TNFRSF10B: variants seen among roughly 807,000 people sequenced by gnomAD.
TNFRSF10B encodes the protein tumor necrosis factor receptor superfamily member 10B.
A neutral mutation model predicts 41.4 loss-of-function variants in TNFRSF10B; 35 were observed. That is an observed-to-expected ratio of 0.85 (90% CI 0.65 to 1.12). The LOEUF is 1.12. Among genes scored for constraint, TNFRSF10B ranks in the 50% most tolerant of loss-of-function variants. The pLI, the probability that TNFRSF10B is intolerant of heterozygous loss-of-function variation, is 0.00. For missense variants in TNFRSF10B, 584 were observed against 552.7 expected, an observed-to-expected ratio of 1.06 and a Z score of -0.57; for synonymous variants, 230 against 215.5, an observed-to-expected ratio of 1.07 and a Z score of -0.59.
chr8:23,062,925 A>G (rs556163889), intron 1 of TNFRSF10B, among the ~76,000 whole-genome samples: 159 of 152,338 alleles, frequency 1.0e-3, no homozygotes, highest in African/African-American at 3.6e-3. Context: ...AGGCATGTTC[A>G]TATGTTACAA....
At chr8:23,023,144 G>A (rs947679154) in intron 8 of TNFRSF10B, among the ~76,000 whole-genome samples, 160 bp from the exon 9 acceptor site, 9 of 152,188 alleles carry the variant, frequency 5.9e-5, no homozygotes, top group African/African-American at 1.7e-4. Context: ...CACAGAGAGC[G>A]CGCCCACACT....
intron 8 of TNFRSF10B, among the ~76,000 whole-genome samples, chr8:23,023,199 G>A (rs1304120647): frequency 2.0e-5 from 3 of 151,982 alleles, no homozygotes; most frequent in Admixed American, 6.6e-5. Context: ...AGTCAAAGTC[G>A]TCAGAGAATC....
At chr8:23,027,060 G>A in intron 7 of TNFRSF10B, 73 bp downstream of exon 7, 1 of 1,605,050 alleles carries the variant, frequency 6.2e-7, no homozygotes, top group Non-Finnish European at 8.5e-7. Context: ...CTAAGGCACT[G>A]CCCTCTCCCA....
intron 1 of TNFRSF10B, among the ~76,000 whole-genome samples, chr8:23,066,672 C>T (rs1487304470): frequency 6.6e-6 from 1 of 151,974 alleles, no homozygotes; most frequent in Non-Finnish European, 1.5e-5. Flanking sequence ...TTTTGGGAGG[C>T]TGAGGCGGGC....
At chr8:23,067,258 A>G (rs1009367681) in intron 1 of TNFRSF10B, among the ~76,000 whole-genome samples, 11 of 152,040 alleles carry the variant, frequency 7.2e-5, no homozygotes, top group African/African-American at 1.7e-4. Flanking sequence ...GATTACAGGC[A>G]TGAGCTACCA....
Position 23,068,874 on chromosome 8 carries a change from G to A in TNFRSF10B, c.21C>T (p.Asn7=). The part of the protein sequence containing the change: MEQRGQ[N]APAASGARKR... Reference sequence around the variant, plus strand: ...TCCGGGCCCCCGAAGCGGCCGGGGCGTTCTGTCCCCGTTGTTCCATGGCGG... The same window carrying A: ...TCCGGGCCCCCGAAGCGGCCGGGGCATTCTGTCCCCGTTGTTCCATGGCGG... Residue 7 remains asparagine (N), a synonymous_variant, in exon 1 of 9, where the codon AAC becomes AAT. Transcript: ENST00000276431. 2 of 1,613,496 alleles carry A rather than the reference G, an allele frequency of 1.2e-6. No homozygotes were observed. The highest frequency in any genetic ancestry group is 1.1e-5 in the South Asian group (1 of 91,084).
intron 1 of TNFRSF10B, among the ~76,000 whole-genome samples, chr8:23,057,429 ATTTT>A (rs201997985): frequency 8.6e-6 from 1 of 115,610 alleles, no homozygotes; most frequent in Non-Finnish European, 1.8e-5. Flanking sequence ...GAATTCTGTA[ATTTT>A]TTTTTTTTTT....
intron 1 of TNFRSF10B, among the ~76,000 whole-genome samples, chr8:23,064,057 GT>G (rs1304567942): frequency 1.3e-5 from 2 of 152,268 alleles, no homozygotes; most frequent in Non-Finnish European, 2.9e-5. Context: ...GAGCCGTGGA[GT>G]ATCGGGAACA....
intron 1 of TNFRSF10B, among the ~76,000 whole-genome samples, chr8:23,057,743 G>A (rs538531555): frequency 1.2e-4 from 18 of 152,030 alleles, no homozygotes; most frequent in African/African-American, 4.3e-4. Flanking sequence ...CTATTATTGA[G>A]GACATATATC....
At chr8:23,028,748 G>C (rs761689562) in intron 4 of TNFRSF10B, 146 bp from the exon 5 acceptor site, 3 of 1,011,932 alleles carry the variant, frequency 3.0e-6, no homozygotes, top group African/African-American at 1.6e-5. Context: ...GGGTCCCCCT[G>C]TGCTCCCTTC....
Position 23,030,877 on chromosome 8 carries a change from G to A in TNFRSF10B, c.251-5C>T. The A allele has an allele frequency of 2.5e-6, 4 of 1,601,486 alleles. No individual in the cohort carries two copies. The highest frequency in any genetic ancestry group is 3.4e-6 in the Non-Finnish European group (4 of 1,172,696). On this transcript the variant is annotated splice_region_variant and splice_polypyrimidine_tract_variant and intron_variant, in intron 2 of 8. Coordinates refer to ENST00000276431, the MANE Select transcript of TNFRSF10B (RefSeq NM_003842.5). ...CGTCTTCTGAGATATGGTGTCCTGG[G>A]AGGGGAGAGAAAAGCCGGTGAATGA...
At chr8:23,024,855 G>C (rs1295841044) in intron 7 of TNFRSF10B, among the ~76,000 whole-genome samples, 1 of 151,046 alleles carries the variant, frequency 6.6e-6, no homozygotes, top group Non-Finnish European at 1.5e-5. Context: ...AAACCACATA[G>C]CAGAGGCCAG....
At chr8:23,049,923 G>C (rs1180324849) in intron 1 of TNFRSF10B, 1 of 152,232 alleles carries the variant, frequency 6.6e-6, no homozygotes, top group Non-Finnish European at 1.5e-5. Context: ...ACAGTGCCGC[G>C]TTCAGCGGCT....
chr8:23,036,582 C>A (rs1435378236), intron 2 of TNFRSF10B, among the ~76,000 whole-genome samples: 1 of 152,244 alleles, frequency 6.6e-6, no homozygotes, highest in Non-Finnish European at 1.5e-5. Flanking sequence ...TGGTGGCTCA[C>A]ACCTGTAATC....
intron 1 of TNFRSF10B, among the ~76,000 whole-genome samples, chr8:23,053,997 T>C (rs1206953091): frequency 1.3e-5 from 2 of 152,238 alleles, no homozygotes; most frequent in Non-Finnish European, 2.9e-5. Context: ...AGGTAACAGA[T>C]ACCCTTGTCA....
At chr8:23,062,128 G>C (rs78474642) in intron 1 of TNFRSF10B, among the ~76,000 whole-genome samples, 1,824 of 152,292 alleles carry the variant, frequency 0.012, 24 homozygotes, top group South Asian at 0.053. Flanking sequence ...TTAAAAGCTT[G>C]TTAGAATTCA....
In TNFRSF10B at chr8:23,043,168, A is replaced by C. The variant is rs1404075777; in HGVS notation, c.220T>G (p.Ser74Ala). 1.2e-6 allele frequency: 2 copies of C among 1,613,948 alleles called. No individual in the cohort carries two copies. Among genetic ancestry groups the C allele is most frequent in the Non-Finnish European group, 1.7e-6 (2 of 1,179,982 alleles). ...GGACACAATCCCTCTGAGGGGCTGGACCTCTTTTGTTGTGGGGCCGCTCTC... is the reference window on the plus strand; with the variant it reads ...GGACACAATCCCTCTGAGGGGCTGGCCCTCTTTTGTTGTGGGGCCGCTCTC... ...QQRAAPQQKR[S>A]SPSEGLCPPG... is the part of the protein sequence containing the mutation. The change falls in exon 2 of 9, where the codon TCC becomes GCC. Residue 74 changes from serine (S) to alanine (A), a missense_variant. Physicochemically the swap from Ser to Ala is moderately conservative, Grantham distance 99. Coordinates refer to ENST00000276431, the MANE Select transcript of TNFRSF10B (RefSeq NM_003842.5).
rs1237701214 is a variant in TNFRSF10B, at chr8:23,020,266, GGACACCAACCACGAGT to G, written c.*2389_*2404del. ...CCTTTGACAGGGCAGAAGCATGAAA[GGACACCAACCACGAGT>G]GACACACTATACTATGGCTGTCCTG... On this transcript the variant is annotated 3_prime_UTR_variant, in exon 9 of 9. Transcript: ENST00000276431. The G allele has an allele frequency of 2.2e-6, 1 of 454,024 alleles. No individual in the cohort carries two copies. Among genetic ancestry groups the G allele is most frequent in the Admixed American group, 2.3e-5 (1 of 42,558 alleles). 28.1% of individuals were successfully genotyped at this position (454,024 alleles called of 1,614,324 possible). A position where few individuals can be genotyped will look rare whatever the true frequency, so the allele number is the denominator to read the frequency against.
chr8:23,052,582 G>A (rs1812557587), intron 1 of TNFRSF10B, among the ~76,000 whole-genome samples: 1 of 152,070 alleles, frequency 6.6e-6, no homozygotes, highest in Admixed American at 6.5e-5. Context: ...CACCACGCCT[G>A]GCCAAGGGTA....
Sources: allele counts gnomAD v4.1 joint callset (sites outside exome capture counted in the v4.1 genomes callset), GRCh38; gene constraint gnomAD v4.1.1; transcripts MANE v1.5; gene names NCBI Gene and HGNC (gene_info 2026-07-23, HGNC 2026-07-21).